BET1: variants seen among roughly 807,000 people sequenced by gnomAD.
BET1 encodes the protein Bet1 golgi vesicular membrane trafficking protein.
BET1 carries 9 observed loss-of-function variants against 13.9 expected under a neutral mutation model. The observed-to-expected ratio is 0.65, with a 90% confidence interval of 0.39 to 1.13. BET1 has a LOEUF of 1.13. Among genes scored for constraint, BET1 ranks in the 50% most tolerant of loss-of-function variants. BET1 has a pLI of 0.01. For synonymous variants in BET1, 39 were observed against 47.3 expected, an observed-to-expected ratio of 0.82 and a Z score of 0.72; for missense variants, 127 against 133.6, an observed-to-expected ratio of 0.95 and a Z score of 0.24.
rs1253720559 is a variant in BET1, at chr7:94,004,186, C to A, written c.19+12G>T. The A allele has an allele frequency of 1.2e-6, 2 of 1,614,022 alleles. No individual in the cohort carries two copies. The highest frequency in any genetic ancestry group is 1.7e-5 in the Admixed American group (1 of 60,018). On this transcript the variant is annotated intron_variant, in intron 1 of 3. Coordinates refer to ENST00000222547, the MANE Select transcript of BET1 (RefSeq NM_005868.6). ...TAGGGCCCCGAACTTCGAACCTCAGCCCTCTTCTTACCCAGGCCTGCACGC... is the reference window on the plus strand; with the variant it reads ...TAGGGCCCCGAACTTCGAACCTCAGACCTCTTCTTACCCAGGCCTGCACGC...
chr7:93,966,604 CT>C lies in BET1; in HGVS notation c.*138-918del, dbSNP rs56919360. ...GACGGAGGTACCAGGAAAAATTCCTCTTTTTTTTTTTTTGGTGGGAGATAGG... is the reference window on the plus strand; with the variant it reads ...GACGGAGGTACCAGGAAAAATTCCTCTTTTTTTTTTTTGGTGGGAGATAGG... On this transcript the variant is annotated intron_variant and NMD_transcript_variant, in intron 6 of 6. Transcript: ENST00000357520. 5.6e-3 allele frequency among the ~76,000 whole-genome samples: 793 copies of C among 142,198 alleles called. 1 individual carries two copies. The highest frequency in any genetic ancestry group is 0.012 in the African/African-American group (460 of 39,268). 93.3% of individuals were successfully genotyped at this position (142,198 alleles called of 152,430 possible).
chr7:94,001,847 A>G (rs2116149194), intron 1 of BET1, among the ~76,000 whole-genome samples: 1 of 152,368 alleles, frequency 6.6e-6, no homozygotes, highest in Non-Finnish European at 1.5e-5. Context: ...CAAGGAATTC[A>G]TTATAAATTA....
intron 2 of BET1, among the ~76,000 whole-genome samples, chr7:93,998,864 C>A (rs908917240): frequency 1.3e-5 from 2 of 150,284 alleles, no homozygotes; most frequent in Non-Finnish European, 3.0e-5. Flanking sequence ...TTAAAAAAAG[C>A]AGAAGAGCTA....
chr7:93,998,052 G>A (rs763039864), intron 2 of BET1, among the ~76,000 whole-genome samples: 3 of 152,186 alleles, frequency 2.0e-5, no homozygotes, highest in African/African-American at 7.2e-5. Context: ...TAAGAAGGAA[G>A]TGGAGGCTTA....
Position 93,999,184 on chromosome 7 carries a change from T to C in BET1, c.130A>G (p.Thr44Ala), listed in dbSNP as rs1011555940. The C allele has an allele frequency of 1.9e-6, 3 of 1,612,184 alleles. No individual in the cohort carries two copies. The African/African-American group carries it at 4.0e-5, about 21-fold the overall frequency. The change falls in exon 2 of 4, where the codon ACT (threonine) becomes GCT (alanine). Residue 44 changes from threonine to alanine, a missense_variant. Physicochemically the swap from Thr to Ala is moderately conservative, Grantham distance 58. Transcript: ENST00000222547. ...TATATACTTACAGATTTTATAGCAG[T>C]TACTTTGCTTCTCAGACTTTCAGTG... ...RLTESLRSKV[T>A]AIKSLSIEIG...
At chr7:93,995,318 C>T (rs1419933682) in intron 3 of BET1, among the ~76,000 whole-genome samples, 1 of 152,084 alleles carries the variant, frequency 6.6e-6, no homozygotes, top group African/African-American at 2.4e-5. Context: ...ATGAGAGAGG[C>T]TTAGGTAGGG....
chr7:93,962,926 T>C (rs904339941), exon 7 of BET1: 1 of 152,102 alleles, frequency 6.6e-6, no homozygotes, highest in Non-Finnish European at 1.5e-5. Flanking sequence ...TACATTAGAC[T>C]CTTTAACTAT....
downstream of BET1, among the ~76,000 whole-genome samples, chr7:93,991,318 C>A (rs1795629202): frequency 6.6e-6 from 1 of 152,114 alleles, no homozygotes; most frequent in Non-Finnish European, 1.5e-5. Context: ...GTTAATTCAC[C>A]AGTTAATTTC....
chr7:93,996,012 T>C, intron 3 of BET1: 1 of 499,440 alleles, frequency 2.0e-6, no homozygotes, highest in East Asian at 3.4e-5. Flanking sequence ...GTCTTGTTTT[T>C]AACAATCATT....
chr7:93,971,392 A>C (rs1421217016), intron 6 of BET1, among the ~76,000 whole-genome samples: 1 of 151,820 alleles, frequency 6.6e-6, no homozygotes, highest in African/African-American at 2.4e-5. Context: ...CATGCCATCA[A>C]TACAGGAATT....
intron 2 of BET1, among the ~76,000 whole-genome samples, chr7:93,997,069 A>T (rs1562807721): frequency 6.6e-6 from 1 of 152,144 alleles, no homozygotes; most frequent in Non-Finnish European, 1.5e-5. Context: ...GCCATAGCTT[A>T]CAAAATACAA....
At chr7:93,993,127 G>A (rs573244483), downstream of BET1, 2 of 983,570 alleles carry the variant, frequency 2.0e-6, no homozygotes, top group Admixed American at 1.2e-4. Context: ...TTGCTTATTT[G>A]TTTGAATCAA....
At chr7:93,980,770 T>A (rs1795414033) in intron 4 of BET1, among the ~76,000 whole-genome samples, 1 of 152,090 alleles carries the variant, frequency 6.6e-6, no homozygotes, top group South Asian at 2.1e-4. Flanking sequence ...GCGAGAGCAA[T>A]CAGGCAAGGA....
Position 93,993,785 on chromosome 7 carries a change from T to C in BET1, c.*445A>G. ...GGAGAAGGGAGTATATCATTACAGT[T>C]GATGCAGTTAGGAAAATTCAATTAC... On this transcript the variant is annotated 3_prime_UTR_variant, in exon 4 of 4. Coordinates refer to ENST00000222547, the MANE Select transcript of BET1 (RefSeq NM_005868.6). 5.3e-6 allele frequency: 8 copies of C among 1,512,388 alleles called. No individual in the cohort carries two copies. The highest frequency in any genetic ancestry group is 6.2e-6 in the Non-Finnish European group (7 of 1,137,684). The allele number at this position is 1,512,388 out of a possible 1,614,324, so 93.7% of individuals were successfully genotyped here.
intron 1 of BET1, among the ~76,000 whole-genome samples, chr7:94,000,681 T>C (rs1406139408): frequency 6.6e-6 from 1 of 152,062 alleles, no homozygotes; most frequent in Non-Finnish European, 1.5e-5. Context: ...AGTTGGAAGC[T>C]TATAATATTG....
chr7:93,989,999 A>G (rs1795600719), downstream of BET1, among the ~76,000 whole-genome samples: 1 of 152,140 alleles, frequency 6.6e-6, no homozygotes, highest in African/African-American at 2.4e-5. Flanking sequence ...TTTAATAGAC[A>G]TCATCATAAC....
chr7:93,989,082 C>T (rs980873497), downstream of BET1, among the ~76,000 whole-genome samples: 1 of 151,190 alleles, frequency 6.6e-6, no homozygotes, highest in African/African-American at 2.4e-5. Context: ...GGTGCGATCT[C>T]GGCTCACTGC....
chr7:93,997,086 AG>A (rs568114173), intron 2 of BET1, among the ~76,000 whole-genome samples: 17 of 152,264 alleles, frequency 1.1e-4, no homozygotes, highest in African/African-American at 3.6e-4. Context: ...ACAATACTAT[AG>A]CTAATTATGA....
At chr7:93,976,408 A>G (rs1448714993) in intron 4 of BET1, among the ~76,000 whole-genome samples, 1 of 152,060 alleles carries the variant, frequency 6.6e-6, no homozygotes, top group Non-Finnish European at 1.5e-5. Context: ...ACAATAAAGC[A>G]AAACACAATA....
Sources: gnomAD v4.1 joint callset for allele counts (sites outside exome capture counted in the v4.1 genomes callset) on GRCh38, gnomAD v4.1.1 for gene constraint, MANE v1.5 for transcripts, NCBI Gene and HGNC (gene_info 2026-07-23, HGNC 2026-07-21) for gene names.